EHBP1L1: variants seen among roughly 807,000 people sequenced by gnomAD.
EHBP1L1 encodes the protein EH domain binding protein 1 like 1, also known as EH domain-binding protein 1-like protein 1.
In EHBP1L1, 122 loss-of-function variants were observed where a neutral mutation model predicts 151.1. That is an observed-to-expected ratio of 0.81 (90% CI 0.70 to 0.94). EHBP1L1 has a LOEUF of 0.94. EHBP1L1 is among the 40% of genes least tolerant of loss of function. The probability of loss-of-function intolerance (pLI) is 0.00; values close to 1 mark genes in which losing one functional copy is unlikely to be tolerated. For missense variants in EHBP1L1, 1,941 were observed against 1,959.8 expected, an observed-to-expected ratio of 0.99 and a Z score of 0.18; for synonymous variants, 878 against 810.1, an observed-to-expected ratio of 1.08 and a Z score of -1.42.
At chr11:65,581,432 C>A in intron 8 of EHBP1L1, 59 bp downstream of exon 8, 3 of 1,447,682 alleles carry the variant, frequency 2.1e-6, no homozygotes, top group Non-Finnish European at 9.2e-7. Context: ...GCAGTCCTCA[C>A]CCCCACCAAC....
rs763035069 is a variant in EHBP1L1 at position 65,579,118 on chromosome 11, C to T, written c.145C>T (p.Arg49Ter). Residue 49 changes from arginine to a stop codon, truncating the protein, a stop_gained, in exon 2 of 19, where the codon CGA (arginine) becomes TGA (stop). Transcript: ENST00000309295. LOFTEE classifies it high-confidence loss of function. ...KLVVVWTRRNRRICSKAHSWQ... is the reference protein window; with the variant it reads ...KLVVVWTRRN ...GGTGGTGGTATGGACCCGTCGGAAC[C>T]GACGCATCTGCTCCAAGGTGGGGAA... 1.8e-5 allele frequency: 29 copies of T among 1,594,926 alleles called. No homozygotes were observed. The highest frequency in any genetic ancestry group is 4.6e-5 in the South Asian group (4 of 87,770).
chr11:65,584,591 C>T (rs2298615), intron 11 of EHBP1L1, 57 bp downstream of exon 11: 331,815 of 1,578,462 alleles, frequency 0.21, 36,246 homozygotes, highest in Middle Eastern at 0.31. Flanking sequence ...GCCAGGCTCT[C>T]AGTGTCAGAT....
In EHBP1L1 at chr11:65,583,145, G is replaced by C. The variant is rs1017480643; in HGVS notation, c.2473G>C (p.Ala825Pro). 1 of 1,613,350 alleles carries C rather than the reference G, an allele frequency of 6.2e-7. No individual in the cohort carries two copies. The highest frequency in any genetic ancestry group is 1.7e-5 in the Admixed American group (1 of 60,004). ...TGAGATATTGGGGACCCAAGAGATA[G>C]CATCTAGGAGTTCAGGGGTCCCAGG... Reference protein sequence around the residue: ...ETEILGTQEIASRSSGVPGLE... With the variant: ...ETEILGTQEIPSRSSGVPGLE... The change falls in exon 9 of 19, where the codon GCA becomes CCA. Residue 825 changes from alanine to proline, a missense_variant. Ala to Pro is a conservative substitution (Grantham distance 27, BLOSUM62 -1). Transcript: ENST00000309295.
chr11:65,580,116 C>T lies in EHBP1L1; in HGVS notation c.348C>T (p.Ala116=), dbSNP rs1228108862. 5.0e-6 allele frequency: 8 copies of T among 1,613,266 alleles called. No homozygotes were observed. The highest frequency in any genetic ancestry group is 6.8e-6 in the Non-Finnish European group (8 of 1,179,716). ...SKGQRKVLAT[A]EVDLARHAGP... ...GGCAGCGGAAGGTGCTGGCCACGGCCGAGGTGGACCTGGCCCGCCATGCAG... is the reference window on the plus strand; with the variant it reads ...GGCAGCGGAAGGTGCTGGCCACGGCTGAGGTGGACCTGGCCCGCCATGCAG... Residue 116 remains alanine (A), a synonymous_variant, in exon 5 of 19, where the codon GCC becomes GCT. Transcript: ENST00000309295.
Position 65,582,427 on chromosome 11 carries a change from G to A in EHBP1L1, c.1755G>A (p.Gln585=), listed in dbSNP as rs1460504956. 7 of 1,612,106 alleles carry A rather than the reference G, an allele frequency of 4.3e-6. No homozygotes were observed. The highest frequency in any genetic ancestry group is 5.1e-6 in the Non-Finnish European group (6 of 1,179,482). Reference sequence around the variant, plus strand: ...TAGGGTTGGAGGTGCTGGGAACCCAGGAGAAAGAAGTTGAGGGGTCAGGGT... The same window carrying A: ...TAGGGTTGGAGGTGCTGGGAACCCAAGAGAAAGAAGTTGAGGGGTCAGGGT... ...EVVGLEVLGT[Q]EKEVEGSGFP... The change falls in exon 9 of 19, where the codon CAG becomes CAA. Residue 585 remains glutamine (Q), a synonymous_variant. Coordinates refer to ENST00000309295, the MANE Select transcript of EHBP1L1 (RefSeq NM_001099409.3).
chr11:65,581,664 C>A lies in EHBP1L1; in HGVS notation c.992C>A (p.Pro331His). 6.4e-7 allele frequency: 1 copy of A among 1,564,612 alleles called. No homozygotes were observed. The highest frequency in any genetic ancestry group is 2.4e-5 in the East Asian group (1 of 42,116). Residue 331 changes from proline (P) to histidine (H), a missense_variant, in exon 9 of 19, where the codon CCT (proline) becomes CAT (histidine). Pro to His is a moderately conservative substitution (Grantham distance 77, BLOSUM62 -2). Coordinates refer to ENST00000309295, the MANE Select transcript of EHBP1L1 (RefSeq NM_001099409.3). ...EDEVPKASGA[P>H]PAGLGSARET... Reference sequence around the variant, plus strand: ...GAGGTCCCCAAAGCCTCAGGGGCTCCTCCAGCAGGATTGGGCTCTGCTAGG... The same window carrying A: ...GAGGTCCCCAAAGCCTCAGGGGCTCATCCAGCAGGATTGGGCTCTGCTAGG...
Position 65,589,740 on chromosome 11 carries a change from T to C in EHBP1L1, c.3934-11T>C, listed in dbSNP as rs1434168440. 2.0e-5 allele frequency: 30 copies of C among 1,531,356 alleles called. No individual in the cohort carries two copies. Among genetic ancestry groups the C allele is most frequent in the Non-Finnish European group, 2.5e-5 (29 of 1,138,220 alleles). The allele number at this position is 1,531,356 out of a possible 1,614,324, so 94.9% of individuals were successfully genotyped here. On this transcript the variant is annotated splice_polypyrimidine_tract_variant and intron_variant, in intron 12 of 18. Coordinates refer to ENST00000309295, the MANE Select transcript of EHBP1L1 (RefSeq NM_001099409.3). Reference sequence around the variant, plus strand: ...ACCCCTCCCAGCCCTCACTGGCCCCTTCTTCCACAGGAAGGCCAGGCCCCT... The same window carrying C: ...ACCCCTCCCAGCCCTCACTGGCCCCCTCTTCCACAGGAAGGCCAGGCCCCT...
At chr11:65,587,348 GGCAACAGA>G in intron 12 of EHBP1L1, among the ~76,000 whole-genome samples, 1 of 151,626 alleles carries the variant, frequency 6.6e-6, no homozygotes, top group East Asian at 1.9e-4. Flanking sequence ...ACTCCAGCCT[GGCAACAGA>G]GCAAGACTCC....
chr11:65,576,547 G>A (rs1857336313), intron 1 of EHBP1L1, 141 bp downstream of exon 1: 1 of 742,548 alleles, frequency 1.3e-6, no homozygotes, highest in Non-Finnish European at 2.1e-6. Context: ...CCGTTCCCAG[G>A]CTCGGAGATT....
In EHBP1L1 at chr11:65,592,043, G is replaced by C. The variant is rs376264175; in HGVS notation, c.4425G>C (p.Val1475=). 4 of 1,613,280 alleles carry C rather than the reference G, an allele frequency of 2.5e-6. No individual in the cohort carries two copies. The African/African-American group carries it at 5.3e-5, about 22-fold the overall frequency. The change falls in exon 18 of 19, where the codon GTG becomes GTC. Residue 1475 remains valine (V), a synonymous_variant. Transcript: ENST00000309295. ...QLLLEELVSL[V]NQRDELVRDL... is the part of the protein sequence containing the mutation. ...TACTGGAGGAGCTGGTGTCGCTGGT[G>C]AACCAGCGCGATGAGCTAGTCCGGG...
At position 65,591,898 on chromosome 11, in the gene EHBP1L1, G is replaced by A. The variant is rs946923807; in HGVS notation, c.4357+25G>A. On this transcript the variant is annotated intron_variant, in intron 17 of 18. Transcript: ENST00000309295. ...GGTGGGACATGGGCTCAGGGGCCGG[G>A]AGGCAAGACAGAGCCAGGGTGGAGG... 6.9e-6 allele frequency: 11 copies of A among 1,605,546 alleles called. No individual in the cohort carries two copies. The East Asian group carries it at 9.0e-5, about 13-fold the overall frequency.
At position 65,585,447 on chromosome 11, in the gene EHBP1L1, G is replaced by A. The variant is rs185143614; in HGVS notation, c.3789G>A (p.Gly1263=). The A allele has an allele frequency of 8.8e-4, 1,327 of 1,511,282 alleles. 13 individuals are homozygous for A. In the East Asian group the frequency reaches 0.028, roughly 32 times the overall value. The allele number at this position is 1,511,282 out of a possible 1,614,324, so 93.6% of individuals were successfully genotyped here. The change falls in exon 12 of 19, where the codon GGG becomes GGA. Residue 1263 remains glycine (G), a synonymous_variant. Transcript: ENST00000309295. This position sits in a 1 kb window ranked among gnomAD's most constrained non-coding sequence, Gnocchi z 4.0. ...GGCCCTCGGTCAACGGGGAGCCCGG[G>A]TCGGTGCCCCCGCCCCGCGCGCACG... ...LRRPSVNGEP[G]SVPPPRAHGS...
chr11:65,579,562 T>A, intron 3 of EHBP1L1, 126 bp downstream of exon 3: 1 of 452,992 alleles, frequency 2.2e-6, no homozygotes, highest in Non-Finnish European at 3.6e-6. Context: ...GGCCAAGAAT[T>A]AGGGGGGCCT....
intron 16 of EHBP1L1, chr11:65,591,432 C>T (rs1196611634): frequency 5.3e-6 from 2 of 379,308 alleles, no homozygotes; most frequent in East Asian, 1.3e-4. Flanking sequence ...AGCCACTCTG[C>T]GGCCATTGCC....
chr11:65,584,638 C>T (rs1857836592), intron 11 of EHBP1L1, 104 bp downstream of exon 11: 1 of 1,421,034 alleles, frequency 7.0e-7, no homozygotes, highest in Admixed American at 2.0e-5. Context: ...GCAGTGGCTT[C>T]TGGAAGTTCT....
Position 65,582,049 on chromosome 11 carries a change from A to C in EHBP1L1, c.1377A>C (p.Pro459=). The change falls in exon 9 of 19, where the codon CCA becomes CCC. Residue 459 remains proline (P), a synonymous_variant. Coordinates refer to ENST00000309295, the MANE Select transcript of EHBP1L1 (RefSeq NM_001099409.3). ...GCAGGGGGACCCCTGAGGCTCCTCCAAGGGGCTCTCAGGGGAGGCTGGGAG... is the reference window on the plus strand; with the variant it reads ...GCAGGGGGACCCCTGAGGCTCCTCCCAGGGGCTCTCAGGGGAGGCTGGGAG... ...ARCRGTPEAP[P]RGSQGRLGVR... 6.2e-7 allele frequency: 1 copy of C among 1,613,270 alleles called. No homozygotes were observed. The highest frequency in any genetic ancestry group is 8.5e-7 in the Non-Finnish European group (1 of 1,179,754).
At chr11:65,580,913 T>C (rs1413796903) in intron 6 of EHBP1L1, 145 bp from the exon 7 acceptor site, 2 of 1,436,442 alleles carry the variant, frequency 1.4e-6, no homozygotes, top group African/African-American at 2.9e-5. Flanking sequence ...TCTGTGGGCC[T>C]GTCTCTTCTC....
chr11:65,591,299 GCTTGAACC>G (rs1156426739), intron 16 of EHBP1L1: 3 of 175,186 alleles, frequency 1.7e-5, no homozygotes, highest in Non-Finnish European at 2.5e-5. Context: ...CAGGAGAATC[GCTTGAACC>G]CTCCTGGGGT....
At position 65,583,132 on chromosome 11, in the gene EHBP1L1, G is replaced by A. The variant is rs1471834466; in HGVS notation, c.2460G>A (p.Gly820=). 17 of 1,613,454 alleles carry A rather than the reference G, an allele frequency of 1.1e-5. No homozygotes were observed. The highest frequency in any genetic ancestry group is 1.4e-5 in the Non-Finnish European group (17 of 1,179,794). The stretch of plus-strand genomic sequence containing the variant: ...GGACAGCAGAAACTGAGATATTGGG[G>A]ACCCAAGAGATAGCATCTAGGAGTT... The part of the protein sequence containing the change: ...ATGTAETEIL[G]TQEIASRSSG... Residue 820 remains glycine (G), a synonymous_variant, in exon 9 of 19, where the codon GGG becomes GGA. Coordinates refer to ENST00000309295, the MANE Select transcript of EHBP1L1 (RefSeq NM_001099409.3).
Sources: gnomAD v4.1 joint callset for allele counts (sites outside exome capture counted in the v4.1 genomes callset) on GRCh38, gnomAD v4.1.1 for gene constraint, Gnocchi (gnomAD v3.1) non-coding constraint, MANE v1.5 for transcripts, NCBI Gene and HGNC (gene_info 2026-07-23, HGNC 2026-07-21) for gene names.